PDE3A: variants seen among roughly 807,000 people sequenced by gnomAD.
The protein encoded by PDE3A is cGMP-inhibited 3',5'-cyclic phosphodiesterase 3A.
In PDE3A, 43 loss-of-function variants were observed where a neutral mutation model predicts 98.3. The ratio of observed to expected loss-of-function variants is 0.44; its 90% confidence interval spans 0.34 to 0.56. PDE3A has a LOEUF of 0.56. Among genes scored for constraint, PDE3A ranks in the 20% least tolerant of loss-of-function variants. The pLI, the probability that PDE3A is intolerant of heterozygous loss-of-function variation, is 0.01. For synonymous variants in PDE3A, 663 were observed against 567.9 expected (o/e 1.17, Z -2.38); for missense variants, 1,427 against 1,440.7 (o/e 0.99, Z 0.15).
At position 20,633,716 on chromosome 12, in the gene PDE3A, G is replaced by A; in HGVS notation, c.1784G>A (p.Gly595Glu). Residue 595 changes from glycine to glutamate, a missense_variant, in exon 7 of 16, where the codon GGG becomes GAG. Gly to Glu is a moderately conservative substitution (Grantham distance 98, BLOSUM62 -2). This residue lies in a region of PDE3A where 1,012 missense variants were observed against 886.5 expected (regional missense o/e 1.14). Transcript: ENST00000359062. ...CSSCGRPYSQGNPADEPLERS... is the reference protein window; with the variant it reads ...CSSCGRPYSQENPADEPLERS... Reference sequence around the variant, plus strand: ...AGCTGTGGCAGACCATATTCCCAAGGGAATCCTGCTGATGAGCCCCTGGAG... The same window carrying A: ...AGCTGTGGCAGACCATATTCCCAAGAGAATCCTGCTGATGAGCCCCTGGAG... The A allele has an allele frequency of 6.2e-7, 1 of 1,610,360 alleles. No homozygotes were observed. The highest frequency in any genetic ancestry group is 1.1e-5 in the South Asian group (1 of 90,720).
chr12:20,646,938 T>C lies in PDE3A; in HGVS notation c.2553T>C (p.Thr851=), dbSNP rs1477265118. 7 of 1,611,046 alleles carry C rather than the reference T, an allele frequency of 4.3e-6. No individual in the cohort carries two copies. The highest frequency in any genetic ancestry group is 5.1e-6 in the Non-Finnish European group (6 of 1,177,352). ...PGRTNAFLVA[T]SAPQAVLYND... ...GGACTAATGCTTTCCTGGTTGCAACTAGTGCTCCTCAGGTAAATCTTTAGA... is the reference window on the plus strand; with the variant it reads ...GGACTAATGCTTTCCTGGTTGCAACCAGTGCTCCTCAGGTAAATCTTTAGA... Residue 851 remains threonine, a synonymous_variant, in exon 12 of 16, where the codon ACT becomes ACC. Transcript: ENST00000359062.
intron 1 of PDE3A, among the ~76,000 whole-genome samples, chr12:20,528,213 T>C (rs1380466943): frequency 6.6e-6 from 1 of 152,224 alleles, no homozygotes; most frequent in Non-Finnish European, 1.5e-5. Flanking sequence ...GTTGTCACAC[T>C]GATTTGCATT....
chr12:20,524,323 C>T (rs1409343083), intron 1 of PDE3A, among the ~76,000 whole-genome samples: 8 of 152,198 alleles, frequency 5.3e-5, no homozygotes, highest in Admixed American at 6.5e-5. Flanking sequence ...CCCATTTCCT[C>T]GTTTTTGAAT....
chr12:20,498,202 TA>T (rs1333553355), intron 1 of PDE3A, among the ~76,000 whole-genome samples: 2 of 152,252 alleles, frequency 1.3e-5, no homozygotes, highest in East Asian at 3.9e-4. Context: ...ACCCTAATGT[TA>T]AATAATATAA....
At chr12:20,652,594 T>C (rs1944946884) in intron 14 of PDE3A, among the ~76,000 whole-genome samples, 1 of 152,226 alleles carries the variant, frequency 6.6e-6, no homozygotes, top group African/African-American at 2.4e-5. Flanking sequence ...TTCATATCCT[T>C]CACCCACTTT....
At chr12:20,595,030 G>A (rs1199023954) in intron 2 of PDE3A, among the ~76,000 whole-genome samples, 2 of 151,958 alleles carry the variant, frequency 1.3e-5, no homozygotes, top group Non-Finnish European at 2.9e-5. Flanking sequence ...ATTTTCAACT[G>A]TAAATAAAAG....
chr12:20,445,758 T>C (rs1224671046), intron 1 of PDE3A, among the ~76,000 whole-genome samples: 3 of 152,220 alleles, frequency 2.0e-5, no homozygotes, highest in Non-Finnish European at 4.4e-5. Flanking sequence ...ACTCAGTACT[T>C]GGAATATAGA....
chr12:20,570,407 CAAAAAAAAAAAAAAAAAAAA>C (rs61242685), intron 2 of PDE3A, among the ~76,000 whole-genome samples: 1 of 43,344 alleles, frequency 2.3e-5, no homozygotes. Context: ...GACGCTGTCT[CAAAAAAAAAAAAAAAAAAAA>C]AAAAAAAAAA....
intron 1 of PDE3A, among the ~76,000 whole-genome samples, chr12:20,476,393 G>A (rs1280049467): frequency 6.6e-6 from 1 of 152,162 alleles, no homozygotes; most frequent in Non-Finnish European, 1.5e-5. Context: ...TTTGATGGAT[G>A]TTATGATCTT....
At chr12:20,493,738 C>G (rs575187389) in intron 1 of PDE3A, among the ~76,000 whole-genome samples, 38 of 152,316 alleles carry the variant, frequency 2.5e-4, no homozygotes, top group Admixed American at 1.9e-3. Flanking sequence ...TCAAGCAATT[C>G]TACTGCCTCA....
intron 1 of PDE3A, among the ~76,000 whole-genome samples, chr12:20,543,917 G>A (rs1490222095): frequency 6.6e-6 from 1 of 151,848 alleles, no homozygotes; most frequent in Admixed American, 6.6e-5. Flanking sequence ...TATTAGCTAA[G>A]TCATGGAGAC....
chr12:20,519,833 G>A lies in PDE3A; in HGVS notation c.961-36827G>A, dbSNP rs142770989. On this transcript the variant is annotated intron_variant, in intron 1 of 15. Coordinates refer to ENST00000359062, the MANE Select transcript of PDE3A (RefSeq NM_000921.5). ...CCATCAGGGAAATGACTTTTGAGGC[G>A]GGTTTTGGAAGATGAGCTGGAGCTA... Among the ~76,000 whole-genome samples, 424 of 152,198 alleles carry A rather than the reference G, an allele frequency of 2.8e-3. 5 individuals carry two copies. The highest frequency in any genetic ancestry group is 9.9e-3 in the African/African-American group (411 of 41,558).
chr12:20,417,929 A>T (rs556226275), intron 1 of PDE3A, among the ~76,000 whole-genome samples: 1 of 152,352 alleles, frequency 6.6e-6, no homozygotes, highest in East Asian at 1.9e-4. Context: ...TCATTGATTT[A>T]ATTATACATT....
chr12:20,654,348 C>A, intron 15 of PDE3A, 143 bp downstream of exon 15: 1 of 675,498 alleles, frequency 1.5e-6, no homozygotes, highest in Non-Finnish European at 2.5e-6. Flanking sequence ...CTCCCTTCCC[C>A]AATATCATAA....
At chr12:20,589,219 C>T (rs1406323777) in intron 2 of PDE3A, among the ~76,000 whole-genome samples, 2 of 152,016 alleles carry the variant, frequency 1.3e-5, no homozygotes, top group South Asian at 2.1e-4. Context: ...CCACCATGCC[C>T]GGCCTCAAGT....
intron 1 of PDE3A, among the ~76,000 whole-genome samples, chr12:20,436,398 G>A (rs187812472): frequency 6.6e-6 from 1 of 152,240 alleles, no homozygotes; most frequent in East Asian, 1.9e-4. Flanking sequence ...GGGGTGAAAG[G>A]TTCATATTCC....
At chr12:20,370,998 T>G (rs1565527779) in intron 1 of PDE3A, among the ~76,000 whole-genome samples, 1 of 152,248 alleles carries the variant, frequency 6.6e-6, no homozygotes, top group Non-Finnish European at 1.5e-5. Context: ...TTCTCTTTAG[T>G]ATGTGCATAC....
At chr12:20,575,993 TA>T (rs1347383749) in intron 2 of PDE3A, among the ~76,000 whole-genome samples, 2 of 152,010 alleles carry the variant, frequency 1.3e-5, no homozygotes, top group African/African-American at 2.4e-5. Flanking sequence ...TTGAACTTTT[TA>T]AAAAATTGAT....
chr12:20,616,563 G>A (rs2121465661), intron 4 of PDE3A, among the ~76,000 whole-genome samples, 179 bp downstream of exon 4: 1 of 152,218 alleles, frequency 6.6e-6, no homozygotes, highest in African/African-American at 2.4e-5. Flanking sequence ...CAGATAATTA[G>A]GCTTAACATC....
Sources: allele counts gnomAD v4.1 joint callset (sites outside exome capture counted in the v4.1 genomes callset), GRCh38; gene constraint gnomAD v4.1.1; regional missense constraint gnomAD v4.1.1; transcripts MANE v1.5; gene names NCBI Gene and HGNC (gene_info 2026-07-23, HGNC 2026-07-21).